The following HNRNPC variants were observed in gnomAD, a reference collection of about 807,000 sequenced individuals.
HNRNPC encodes heterogeneous nuclear ribonucleoprotein C, also known as heterogeneous nuclear ribonucleoproteins C1/C2.
Under a neutral mutation model 33.2 loss-of-function variants are expected in HNRNPC, and 3 were observed. The ratio of observed to expected loss-of-function variants is 0.09; its 90% CI spans 0.04 to 0.23. HNRNPC has a LOEUF of 0.23. Ranked by LOEUF, HNRNPC falls within the 10% of genes least tolerant of loss-of-function variation. HNRNPC has a pLI of 1.00. For synonymous variants in HNRNPC, 121 were observed against 126.7 expected, an observed-to-expected ratio of 0.96 and a Z score of 0.30; for missense variants, 143 against 366.7, an observed-to-expected ratio of 0.39 and a Z score of 4.98.
intron 2 of HNRNPC, among the ~76,000 whole-genome samples, chr14:21,243,430 T>C (rs541556174): frequency 2.6e-5 from 4 of 152,180 alleles, no homozygotes; most frequent in Non-Finnish European, 5.9e-5. Flanking sequence ...ATTCTATGTA[T>C]GTATATATTG....
At chr14:21,217,783 A>C (rs999788494) in intron 5 of HNRNPC, among the ~76,000 whole-genome samples, 1 of 152,260 alleles carries the variant, frequency 6.6e-6, no homozygotes, top group Non-Finnish European at 1.5e-5. Flanking sequence ...TTAAATGTAC[A>C]TACTTATTTT....
chr14:21,225,167 T>A (rs1370721600), intron 5 of HNRNPC, among the ~76,000 whole-genome samples: 1 of 151,748 alleles, frequency 6.6e-6, no homozygotes, highest in African/African-American at 2.4e-5. Flanking sequence ...ACATCTGTAA[T>A]CCCAGCACTT....
At chr14:21,265,666 A>G (rs1878854541) in intron 1 of HNRNPC, 1 of 152,176 alleles carries the variant, frequency 6.6e-6, no homozygotes, top group East Asian at 1.9e-4. Context: ...AAAAATTAGC[A>G]GCACTACTCA....
At chr14:21,257,797 G>A (rs1335431437) in intron 2 of HNRNPC, among the ~76,000 whole-genome samples, 2 of 152,098 alleles carry the variant, frequency 1.3e-5, no homozygotes, top group African/African-American at 4.8e-5. Context: ...CTGGCCTTAA[G>A]CTATCCTCCA....
intron 1 of HNRNPC, among the ~76,000 whole-genome samples, chr14:21,267,328 T>C (rs1433807825): frequency 2.0e-5 from 3 of 152,178 alleles, no homozygotes; most frequent in Non-Finnish European, 4.4e-5. Flanking sequence ...TTCAACACTT[T>C]ATTAAGATTT....
At chr14:21,267,093 C>A (rs112151435) in intron 1 of HNRNPC, among the ~76,000 whole-genome samples, 1 of 101,962 alleles carries the variant, frequency 9.8e-6, no homozygotes, top group Non-Finnish European at 2.0e-5. Context: ...GAGACTCCGT[C>A]TCAAAAAAAA....
intron 3 of HNRNPC, chr14:21,231,336 A>T (rs751753117): frequency 1.8e-6 from 1 of 561,462 alleles, no homozygotes; most frequent in South Asian, 1.5e-5. Flanking sequence ...ACACAGACAC[A>T]TAAATTAGAA....
In HNRNPC at chr14:21,234,208, A is replaced by C. The variant is rs749223833; in HGVS notation, c.-15T>G. 1.9e-6 allele frequency: 3 copies of C among 1,612,104 alleles called. No individual in the cohort carries two copies. The African/African-American group carries it at 4.0e-5, about 22-fold the overall frequency. The stretch of plus-strand genomic sequence containing the variant: ...TTGCTGGCCATCGTGTTTGATGGTA[A>C]GGTTTCTCACAAAGCCGAAAACTGT... On this transcript the variant is annotated 5_prime_UTR_variant, in exon 3 of 9. Transcript: ENST00000553300.
intron 5 of HNRNPC, among the ~76,000 whole-genome samples, chr14:21,219,831 C>T (rs754251333): frequency 6.6e-5 from 10 of 152,206 alleles, no homozygotes; most frequent in Non-Finnish European, 1.5e-4. Flanking sequence ...ATGTCCACAA[C>T]TGATTTATGA....
chr14:21,257,333 AGAAG>A (rs1877394453), intron 2 of HNRNPC, among the ~76,000 whole-genome samples: 1 of 152,176 alleles, frequency 6.6e-6, no homozygotes, highest in Admixed American at 6.5e-5. Context: ...TCCAACAGAA[AGAAG>A]TTTAACATGT....
intron 2 of HNRNPC, among the ~76,000 whole-genome samples, chr14:21,237,268 C>T (rs1894800366): frequency 6.6e-6 from 1 of 152,188 alleles, no homozygotes; most frequent in South Asian, 2.1e-4. Context: ...TAAAATAATT[C>T]TAATGCCTAA....
At chr14:21,243,661 T>C (rs1033456391) in intron 2 of HNRNPC, among the ~76,000 whole-genome samples, 1 of 152,146 alleles carries the variant, frequency 6.6e-6, no homozygotes, top group African/African-American at 2.4e-5. Flanking sequence ...CATATGAAAA[T>C]TCTCAATAAA....
chr14:21,244,095 C>T (rs1435656679), intron 2 of HNRNPC, among the ~76,000 whole-genome samples: 1 of 151,054 alleles, frequency 6.6e-6, no homozygotes, highest in East Asian at 1.9e-4. Context: ...GTGTTGCGAT[C>T]TTCGATCACT....
intron 5 of HNRNPC, among the ~76,000 whole-genome samples, chr14:21,226,184 T>TGGTGGTG (rs1227947494): frequency 6.6e-6 from 1 of 151,644 alleles, no homozygotes; most frequent in Non-Finnish European, 1.5e-5. Flanking sequence ...CAGCTGGGTG[T>TGGTGGTG]GGTGGTGTGC....
Position 21,253,490 on chromosome 14 carries a change from GCAC to G in HNRNPC, c.-37+9818_-37+9820del, listed in dbSNP as rs1003213026. Among the ~76,000 whole-genome samples, 480 of 136,016 alleles carry G rather than the reference GCAC, an allele frequency of 3.5e-3. 9 individuals carry two copies. The highest frequency in any genetic ancestry group is 6.4e-3 in the East Asian group (30 of 4,666). 89.2% of individuals were successfully genotyped at this position (136,016 alleles called of 152,430 possible). A position where few individuals can be genotyped will look rare whatever the true frequency, so the allele number is the denominator to read the frequency against. On this transcript the variant is annotated intron_variant, in intron 2 of 8. Coordinates refer to ENST00000553300, the MANE Select transcript of HNRNPC (RefSeq NM_004500.4). ...AAAAAAAAAAAAAAAAAAAAAGATA[GCAC>G]CAAAGATGTGCATGCACCTGAAAAC...
intron 2 of HNRNPC, among the ~76,000 whole-genome samples, chr14:21,261,768 T>C (rs1181708807): frequency 6.6e-6 from 1 of 152,156 alleles, no homozygotes. Flanking sequence ...AATCTAATTA[T>C]CTCCCAGCTT....
chr14:21,225,864 G>A (rs1258910620), intron 5 of HNRNPC, among the ~76,000 whole-genome samples: 1 of 152,048 alleles, frequency 6.6e-6, no homozygotes, highest in Non-Finnish European at 1.5e-5. Flanking sequence ...TCAATTATAA[G>A]GGAAAGTGGG....
At chr14:21,212,206 T>A (rs985035899) in intron 6 of HNRNPC, among the ~76,000 whole-genome samples, 3 of 152,154 alleles carry the variant, frequency 2.0e-5, no homozygotes, top group African/African-American at 7.2e-5. Context: ...CTTAAACTCC[T>A]GGCCTCATGA....
chr14:21,247,265 TCACATATAG>T (rs1039286262), intron 2 of HNRNPC, among the ~76,000 whole-genome samples: 5 of 152,164 alleles, frequency 3.3e-5, no homozygotes, highest in Admixed American at 6.6e-5. Flanking sequence ...TCACTAAAGA[TCACATATAG>T]CTCCAGCGTT....
Sources: allele counts gnomAD v4.1 joint callset (sites outside exome capture counted in the v4.1 genomes callset), GRCh38; gene constraint gnomAD v4.1.1; transcripts MANE v1.5; gene names NCBI Gene and HGNC (gene_info 2026-07-23, HGNC 2026-07-21).